COMMD6: variants seen among roughly 807,000 people sequenced by gnomAD.
COMMD6 encodes the protein COMM domain containing 6.
A neutral mutation model predicts 13.4 loss-of-function variants in COMMD6; 11 were observed. That is an observed-to-expected ratio of 0.82 (90% CI 0.52 to 1.36). COMMD6 has a LOEUF of 1.36. Ranked by LOEUF, COMMD6 falls within the 40% of genes most tolerant of loss-of-function variation. COMMD6 has a pLI of 0.00. For synonymous variants in COMMD6, 43 were observed against 36.5 expected, an observed-to-expected ratio of 1.18 and a Z score of -0.64; for missense variants, 124 against 102.4, an observed-to-expected ratio of 1.21 and a Z score of -0.91.
At position 75,537,775 on chromosome 13, in the gene COMMD6, C is replaced by G. The variant is rs1252890388; in HGVS notation, c.31G>C (p.Ala11Pro). The G allele has an allele frequency of 1.2e-6, 2 of 1,611,962 alleles. No individual in the cohort carries two copies. Among genetic ancestry groups the G allele is most frequent in the Admixed American group, 3.3e-5 (2 of 59,926 alleles). The part of the protein sequence containing the change: MEASSEPPLD[A>P]KSDVTNQLVD... ...AGGTTGGAACTCACATCGGACTTAG[C>G]ATCCAGCGGCGGCTCGCTGGACGCC... Residue 11 changes from alanine (A) to proline (P), a missense_variant, in exon 1 of 4, where the codon GCT becomes CCT. Transcript: ENST00000682242.
intron 3 of COMMD6, among the ~76,000 whole-genome samples, chr13:75,528,288 C>T (rs906057001): frequency 2.0e-5 from 3 of 151,728 alleles, no homozygotes; most frequent in Admixed American, 6.6e-5. Context: ...AAATGCTGCA[C>T]AGAATAATAA....
chr13:75,535,274 G>C (rs950654502), intron 2 of COMMD6, among the ~76,000 whole-genome samples: 1 of 152,196 alleles, frequency 6.6e-6, no homozygotes, highest in Non-Finnish European at 1.5e-5. Flanking sequence ...ATCCATCTTC[G>C]AAGGGCCCTG....
At chr13:75,532,648 A>G (rs906579052) in intron 2 of COMMD6, among the ~76,000 whole-genome samples, 69 of 152,176 alleles carry the variant, frequency 4.5e-4, no homozygotes, top group Admixed American at 9.2e-4. Flanking sequence ...TGGCTAACAC[A>G]GTGAAACCCC....
At chr13:75,537,081 G>C (rs1189781772) in intron 2 of COMMD6, among the ~76,000 whole-genome samples, 1 of 152,078 alleles carries the variant, frequency 6.6e-6, no homozygotes, top group Non-Finnish European at 1.5e-5. Context: ...ATTTTGTATG[G>C]ACTTGGGTAA....
upstream of COMMD6, among the ~76,000 whole-genome samples, chr13:75,541,102 C>G (rs1489275454): frequency 6.6e-6 from 1 of 152,056 alleles, no homozygotes; most frequent in African/African-American, 2.4e-5. Flanking sequence ...AAAATTCTGC[C>G]TCCCTATTTG....
chr13:75,533,106 T>C (rs2030545014), intron 2 of COMMD6, among the ~76,000 whole-genome samples: 1 of 151,928 alleles, frequency 6.6e-6, no homozygotes, highest in South Asian at 2.1e-4. Context: ...AATTTTTTTG[T>C]ATTTTTAGTA....
chr13:75,534,573 T>C (rs1056135425), intron 2 of COMMD6, among the ~76,000 whole-genome samples: 4 of 152,196 alleles, frequency 2.6e-5, no homozygotes, highest in African/African-American at 9.7e-5. Flanking sequence ...CTTACCACTA[T>C]GCAGAATGTT....
At chr13:75,543,272 C>T (rs983522645), upstream of COMMD6, among the ~76,000 whole-genome samples, 2 of 152,082 alleles carry the variant, frequency 1.3e-5, no homozygotes, top group African/African-American at 2.4e-5. Flanking sequence ...GCTGAGCCCC[C>T]CTGACACACA....
chr13:75,537,764 A>ATCGGACTT lies in COMMD6; in HGVS notation c.34_41dup (p.Asp14GlufsTer10). ...ACTCTCCTTCCAGGTTGGAACTCAC[A>ATCGGACTT]TCGGACTTAGCATCCAGCGGCGGCT... On this transcript the variant is annotated frameshift_variant and splice_region_variant, in exon 1 of 4. Transcript: ENST00000682242. LOFTEE classifies it high-confidence loss of function. 6.2e-7 allele frequency: 1 copy of ATCGGACTT among 1,613,624 alleles called. No homozygotes were observed. The highest frequency in any genetic ancestry group is 1.7e-5 in the Admixed American group (1 of 59,996).
rs1001010485 is a variant in COMMD6, at chr13:75,525,985, A to C, written c.*604T>G. On this transcript the variant is annotated 3_prime_UTR_variant, in exon 4 of 4. Coordinates refer to ENST00000682242, the MANE Select transcript of COMMD6 (RefSeq NM_203495.4). ...AACTCAGACTAAAACTCGTCTTTCC[A>C]ACTCTGCGTATGTATTTGAACTTTC... is the stretch of plus-strand genomic sequence containing the variant. 7.9e-5 allele frequency: 12 copies of C among 152,264 alleles called. No homozygotes were observed. The highest frequency in any genetic ancestry group is 2.9e-4 in the African/African-American group (12 of 41,478). The allele number at this position is 152,264 out of a possible 1,614,324, so 9.4% of individuals were successfully genotyped here.
At chr13:75,537,015 G>A (rs1381071182) in intron 2 of COMMD6, among the ~76,000 whole-genome samples, 1 of 152,184 alleles carries the variant, frequency 6.6e-6, no homozygotes, top group Non-Finnish European at 1.5e-5. Context: ...AGCAGTCAAT[G>A]GACACCTCTT....
At chr13:75,532,614 G>A (rs1190588808) in intron 2 of COMMD6, among the ~76,000 whole-genome samples, 3 of 152,050 alleles carry the variant, frequency 2.0e-5, no homozygotes, top group Non-Finnish European at 4.4e-5. Flanking sequence ...GGCGGATCAC[G>A]AGGTCAGGAG....
intron 1 of COMMD6, among the ~76,000 whole-genome samples, chr13:75,544,499 C>G (rs1396690063): frequency 6.6e-6 from 1 of 152,100 alleles, no homozygotes; most frequent in Non-Finnish European, 1.5e-5. Context: ...TGGTGGCTCA[C>G]ATGGTGTAAT....
intron 2 of COMMD6, among the ~76,000 whole-genome samples, chr13:75,532,337 T>G (rs1264989715): frequency 1.3e-5 from 2 of 152,224 alleles, no homozygotes; most frequent in South Asian, 4.1e-4. Context: ...AAGAGTTTAT[T>G]GTAGCCTAGG....
intron 2 of COMMD6, among the ~76,000 whole-genome samples, chr13:75,535,390 T>A (rs1233582002): frequency 1.3e-5 from 2 of 152,152 alleles, no homozygotes; most frequent in Non-Finnish European, 2.9e-5. Flanking sequence ...AAAAGGCTCA[T>A]CCAGACCGCC....
At chr13:75,545,537 ATC>A (rs1251107140) in intron 1 of COMMD6, among the ~76,000 whole-genome samples, 1 of 150,448 alleles carries the variant, frequency 6.6e-6, no homozygotes, top group Admixed American at 6.6e-5. Context: ...CGGTGGCGCT[ATC>A]TCTGCTCACT....
chr13:75,538,708 A>T (rs1390909976), upstream of COMMD6: 1 of 152,184 alleles, frequency 6.6e-6, no homozygotes, highest in Non-Finnish European at 1.5e-5. Context: ...TCAAATTAAA[A>T]TTTCCCCACT....
In COMMD6 at chr13:75,537,812, C is replaced by G; in HGVS notation, c.-7G>C. 6.3e-7 allele frequency: 1 copy of G among 1,596,508 alleles called. No individual in the cohort carries two copies. Among genetic ancestry groups the G allele is most frequent in the African/African-American group, 1.3e-5 (1 of 74,674 alleles). On this transcript the variant is annotated 5_prime_UTR_variant, in exon 1 of 4. Coordinates refer to ENST00000682242, the MANE Select transcript of COMMD6 (RefSeq NM_203495.4). ...GCTCGCTGGACGCCTCCATGGGCAG[C>G]GTCTGGGACTTGCGGCCCGGACTCG...
rs1049580533 is a variant in COMMD6 at position 75,526,076 on chromosome 13, T to C, written c.*513A>G. ...TACTGTGTAAAGGAGCAATGGTCAATCTTAATCTGATTACAAAAGTTTGAA... is the reference window on the plus strand; with the variant it reads ...TACTGTGTAAAGGAGCAATGGTCAACCTTAATCTGATTACAAAAGTTTGAA... On this transcript the variant is annotated 3_prime_UTR_variant, in exon 4 of 4. Transcript: ENST00000682242. 2 of 152,310 alleles carry C rather than the reference T, an allele frequency of 1.3e-5. No homozygotes were observed. Among genetic ancestry groups the C allele is most frequent in the African/African-American group, 4.8e-5 (2 of 41,464 alleles). 9.4% of individuals were successfully genotyped at this position (152,310 alleles called of 1,614,324 possible). A position where few individuals can be genotyped will look rare whatever the true frequency, so the allele number is the denominator to read the frequency against.
Sources: allele counts gnomAD v4.1 joint callset (sites outside exome capture counted in the v4.1 genomes callset), GRCh38; gene constraint gnomAD v4.1.1; transcripts MANE v1.5; gene names NCBI Gene and HGNC (gene_info 2026-07-23, HGNC 2026-07-21).